Variants in GALNT13 observed in about 807,000 individuals in gnomAD.
The protein encoded by GALNT13 is UDP-GalNAc:polypeptide N-acetylgalactosaminyltransferase 13.
In GALNT13, 28 loss-of-function variants were observed where a neutral mutation model predicts 64.2. The observed-to-expected ratio is 0.44, with a 90% CI of 0.32 to 0.60. The LOEUF is 0.60. GALNT13 is among the 20% of genes least tolerant of loss of function. The pLI is 0.05. For synonymous variants in GALNT13, 214 were observed against 224.6 expected, an observed-to-expected ratio of 0.95 and a Z score of 0.42; for missense variants, 577 against 669.8, an observed-to-expected ratio of 0.86 and a Z score of 1.53.
intron 4 of GALNT13, among the ~76,000 whole-genome samples, chr2:154,217,407 T>G (rs1033457171): frequency 2.0e-5 from 3 of 152,122 alleles, no homozygotes; most frequent in African/African-American, 2.4e-5. Context: ...AAAATAAAAT[T>G]GTGTAAATTA....
chr2:153,076,874 G>A, the GALNT13 span, among the ~76,000 whole-genome samples: 2 of 151,622 alleles, frequency 1.3e-5, no homozygotes, highest in East Asian at 3.9e-4. Context: ...CTCCTTCATA[G>A]TTCTTTTTCA....
chr2:153,858,600 G>A, the GALNT13 span, among the ~76,000 whole-genome samples: 1 of 152,060 alleles, frequency 6.6e-6, no homozygotes, highest in Non-Finnish European at 1.5e-5. Flanking sequence ...TCAGTGTATT[G>A]TCACAATTGC....
At chr2:153,182,890 C>G in the GALNT13 span, among the ~76,000 whole-genome samples, 1 of 152,096 alleles carries the variant, frequency 6.6e-6, no homozygotes, top group Non-Finnish European at 1.5e-5. Context: ...GATTCCATGT[C>G]TTTGCTATTG....
At chr2:154,157,148 A>G (rs967548301) in intron 4 of GALNT13, among the ~76,000 whole-genome samples, 1 of 152,034 alleles carries the variant, frequency 6.6e-6, no homozygotes, top group Non-Finnish European at 1.5e-5. Context: ...CATTCTCATT[A>G]TCTTACCTTC....
At chr2:154,393,489 T>C (rs1000647016) in intron 9 of GALNT13, among the ~76,000 whole-genome samples, 1 of 152,192 alleles carries the variant, frequency 6.6e-6, no homozygotes, top group Non-Finnish European at 1.5e-5. Flanking sequence ...GTGAGGACTG[T>C]TGTCTCTTAA....
At chr2:154,050,755 T>C (rs1699559890) in intron 3 of GALNT13, among the ~76,000 whole-genome samples, 1 of 152,204 alleles carries the variant, frequency 6.6e-6, no homozygotes, top group African/African-American at 2.4e-5. Context: ...AGTGAAATAG[T>C]TTAATGCTGA....
the GALNT13 span, among the ~76,000 whole-genome samples, chr2:153,799,787 T>C: frequency 6.6e-6 from 1 of 152,162 alleles, no homozygotes; most frequent in Non-Finnish European, 1.5e-5. Flanking sequence ...ACCAGTCTTT[T>C]TCCTTAGCCA....
chr2:154,301,470 G>A lies in GALNT13; in HGVS notation c.1037G>A (p.Arg346Gln), dbSNP rs777905185. The change falls in exon 9 of 13, where the codon CGG becomes CAG. Residue 346 changes from arginine (R) to glutamine (Q), a missense_variant. Physicochemically the swap from Arg to Gln is conservative, Grantham distance 43 (BLOSUM62 1). This residue lies in a region of GALNT13 where 232 missense variants were observed against 270.6 expected (regional missense o/e 0.86). Coordinates refer to ENST00000392825, the MANE Select transcript of GALNT13 (RefSeq NM_052917.4). ...TGCTCCCATGTTGGTCATGTTTTTCGGAAGGCAACTCCATACACTTTTCCT... is the reference window on the plus strand; with the variant it reads ...TGCTCCCATGTTGGTCATGTTTTTCAGAAGGCAACTCCATACACTTTTCCT... ...VTCSHVGHVFRKATPYTFPGG... is the reference protein window; with the variant it reads ...VTCSHVGHVFQKATPYTFPGG... 1.4e-5 allele frequency: 22 copies of A among 1,613,498 alleles called. No homozygotes were observed. Among genetic ancestry groups the A allele is most frequent in the East Asian group, 8.9e-5 (4 of 44,836 alleles).
the GALNT13 span, among the ~76,000 whole-genome samples, chr2:153,819,318 C>T: frequency 6.6e-6 from 1 of 152,170 alleles, no homozygotes; most frequent in Non-Finnish European, 1.5e-5. Flanking sequence ...CTGTCAATCA[C>T]ATTGTGGTCC....
intron 4 of GALNT13, among the ~76,000 whole-genome samples, chr2:154,189,343 G>A (rs1253008522): frequency 6.6e-6 from 1 of 152,128 alleles, no homozygotes; most frequent in Non-Finnish European, 1.5e-5. Flanking sequence ...CAATGTCACT[G>A]TATTTGGAGA....
chr2:153,842,969 A>G, the GALNT13 span, among the ~76,000 whole-genome samples: 1 of 152,224 alleles, frequency 6.6e-6, no homozygotes. Context: ...AGAATTTAAT[A>G]CATGTGTTTA....
chr2:153,822,171 A>G, the GALNT13 span, among the ~76,000 whole-genome samples: 1 of 152,184 alleles, frequency 6.6e-6, no homozygotes, highest in East Asian at 1.9e-4. Flanking sequence ...AAGAGCTGGT[A>G]CCAATCCTAC....
At position 154,415,691 on chromosome 2, in the gene GALNT13, A is replaced by G. The variant is rs184861132; in HGVS notation, c.1395+6609A>G. Reference sequence around the variant, plus strand: ...GGTGTATTAAAAATTTAGAGAGTAAACAAATACTTTGTTTCATTACAGATC... The same window carrying G: ...GGTGTATTAAAAATTTAGAGAGTAAGCAAATACTTTGTTTCATTACAGATC... On this transcript the variant is annotated intron_variant, in intron 11 of 12. Transcript: ENST00000392825. 2.2e-3 allele frequency among the ~76,000 whole-genome samples: 329 copies of G among 152,294 alleles called. 1 individual carries two copies. The highest frequency in any genetic ancestry group is 6.9e-3 in the African/African-American group (288 of 41,574).
intron 3 of GALNT13, among the ~76,000 whole-genome samples, chr2:153,959,165 A>G (rs748360774): frequency 3.9e-5 from 6 of 152,188 alleles, no homozygotes; most frequent in Admixed American, 6.5e-5. Context: ...CAGTGCTGAA[A>G]ATCCCAGAGC....
At chr2:154,016,302 T>C (rs1697000113) in intron 3 of GALNT13, among the ~76,000 whole-genome samples, 1 of 152,196 alleles carries the variant, frequency 6.6e-6, no homozygotes, top group Non-Finnish European at 1.5e-5. Context: ...GAATTCTTCA[T>C]TCATAAACAC....
At chr2:153,315,147 A>G in the GALNT13 span, among the ~76,000 whole-genome samples, 2 of 152,202 alleles carry the variant, frequency 1.3e-5, no homozygotes, top group African/African-American at 4.8e-5. Context: ...CTACTTATAA[A>G]TCATCAGTTT....
chr2:153,814,572 T>C, the GALNT13 span, among the ~76,000 whole-genome samples: 2 of 152,208 alleles, frequency 1.3e-5, no homozygotes, highest in Admixed American at 1.3e-4. Flanking sequence ...ACTTTTTGAA[T>C]ACAGCAGCCA....
the GALNT13 span, among the ~76,000 whole-genome samples, chr2:153,161,289 TAAC>T: frequency 1.3e-5 from 2 of 152,282 alleles, no homozygotes; most frequent in South Asian, 2.1e-4. Context: ...CTTATTCACT[TAAC>T]AACATTGGCT....
intron 4 of GALNT13, among the ~76,000 whole-genome samples, chr2:154,155,087 C>A (rs1424215236): frequency 1.3e-5 from 2 of 151,890 alleles, no homozygotes; most frequent in African/African-American, 4.8e-5. Context: ...TTATTGTTAT[C>A]TTCAGAGGCA....
Sources: allele counts gnomAD v4.1 joint callset (sites outside exome capture counted in the v4.1 genomes callset), GRCh38; gene constraint gnomAD v4.1.1; regional missense constraint gnomAD v4.1.1; transcripts MANE v1.5; gene names NCBI Gene and HGNC (gene_info 2026-07-23, HGNC 2026-07-21).